The following CDKAL1 variants were observed in gnomAD, a reference collection of about 807,000 sequenced individuals.
CDKAL1 encodes threonylcarbamoyladenosine tRNA methylthiotransferase.
CDKAL1 carries 32 observed loss-of-function variants against 68.2 expected under a neutral mutation model. The observed-to-expected ratio is 0.47, with a 90% confidence interval of 0.35 to 0.63. The LOEUF (loss-of-function observed/expected upper bound fraction) is 0.63, where lower values mean the gene tolerates loss of function less well. CDKAL1 is among the 30% of genes least tolerant of loss of function. The probability of loss-of-function intolerance (pLI) is 0.00; values close to 1 mark genes in which losing one functional copy is unlikely to be tolerated. For missense variants in CDKAL1, 606 were observed against 696.7 expected, an observed-to-expected ratio of 0.87 and a Z score of 1.47; for synonymous variants, 234 against 244.3, an observed-to-expected ratio of 0.96 and a Z score of 0.39.
At chr6:21,163,626 T>A (rs1777018674) in intron 13 of CDKAL1, among the ~76,000 whole-genome samples, 1 of 152,064 alleles carries the variant, frequency 6.6e-6, no homozygotes. Context: ...TGGTGTTGAG[T>A]CATAATCTTA....
chr6:20,836,024 A>G (rs1175114235), intron 8 of CDKAL1, among the ~76,000 whole-genome samples: 1 of 152,076 alleles, frequency 6.6e-6, no homozygotes, highest in Non-Finnish European at 1.5e-5. Flanking sequence ...TGGCTGTTGT[A>G]AAAGGGACCC....
intron 4 of CDKAL1, among the ~76,000 whole-genome samples, chr6:20,564,525 A>G (rs1764384561): frequency 1.3e-5 from 2 of 152,216 alleles, no homozygotes; most frequent in South Asian, 4.1e-4. Flanking sequence ...TAATTCATGT[A>G]AAGTTTACTA....
In CDKAL1 at chr6:21,008,710, C is replaced by T. The variant is rs7750463; in HGVS notation, c.1055+8338C>T. ...CTTGCACAGTGCTTGGTTTGTCCTC[C>T]TTGACACCCCCACAACTCTGCACCG... On this transcript the variant is annotated intron_variant, in intron 11 of 15. Transcript: ENST00000274695. Among the ~76,000 whole-genome samples the T allele has an allele frequency of 9.5e-3, 1,452 of 152,196 alleles. 32 individuals are homozygous for T. The highest frequency in any genetic ancestry group is 0.033 in the African/African-American group (1,352 of 41,546).
intron 10 of CDKAL1, among the ~76,000 whole-genome samples, chr6:20,961,424 T>C (rs762944652): frequency 6.6e-6 from 1 of 152,050 alleles, no homozygotes; most frequent in Non-Finnish European, 1.5e-5. Flanking sequence ...GAACAACAGA[T>C]ACTGGGGCCT....
chr6:21,054,314 G>T (rs1770709279), intron 11 of CDKAL1, among the ~76,000 whole-genome samples: 1 of 152,038 alleles, frequency 6.6e-6, no homozygotes, highest in Admixed American at 6.5e-5. Context: ...TTTTTCCATT[G>T]ATGTATCCCT....
chr6:21,015,754 A>G (rs201310), intron 11 of CDKAL1, among the ~76,000 whole-genome samples: 16,240 of 151,920 alleles, frequency 0.11, 971 homozygotes, highest in Middle Eastern at 0.16. Context: ...TGACAAAACC[A>G]CATCTCTACT....
chr6:20,646,167 C>T (rs1261516630), intron 4 of CDKAL1, among the ~76,000 whole-genome samples: 1 of 140,716 alleles, frequency 7.1e-6, no homozygotes, highest in Non-Finnish European at 1.5e-5. Flanking sequence ...AGCAATTCTT[C>T]TGCCTCAGCC....
intron 11 of CDKAL1, among the ~76,000 whole-genome samples, chr6:21,047,666 G>T (rs189478684): frequency 6.6e-6 from 1 of 152,120 alleles, no homozygotes; most frequent in Admixed American, 6.5e-5. Context: ...TGTCCACCAG[G>T]TGCTTATAGT....
intron 8 of CDKAL1, among the ~76,000 whole-genome samples, chr6:20,824,063 C>T (rs2150447560): frequency 6.6e-6 from 1 of 151,988 alleles, no homozygotes; most frequent in East Asian, 1.9e-4. Flanking sequence ...TTTGGGATTC[C>T]CTTAAAGTCT....
At chr6:20,883,542 CATTT>C (rs1237114164) in intron 9 of CDKAL1, among the ~76,000 whole-genome samples, 1 of 152,162 alleles carries the variant, frequency 6.6e-6, no homozygotes, top group South Asian at 2.1e-4. Context: ...CCGAATGTTT[CATTT>C]ATTTAATTAA....
At chr6:21,022,347 T>G (rs1768712508) in intron 11 of CDKAL1, among the ~76,000 whole-genome samples, 1 of 152,196 alleles carries the variant, frequency 6.6e-6, no homozygotes, top group South Asian at 2.1e-4. Context: ...CTTTGAGCAT[T>G]ATTTGCAGTG....
Position 20,885,380 on chromosome 6 carries a change from T to C in CDKAL1, c.742+39202T>C, listed in dbSNP as rs1006944273. ...AGTAAACCCATACAACTGTAGCCAA[T>C]TGATTTTTGACCAGGGAACCACATT... On this transcript the variant is annotated intron_variant, in intron 9 of 15. Transcript: ENST00000274695. 3.9e-5 allele frequency among the ~76,000 whole-genome samples: 6 copies of C among 152,298 alleles called. No individual in the cohort carries two copies. The East Asian group carries it at 1.2e-3, about 29-fold the overall frequency.
intron 10 of CDKAL1, among the ~76,000 whole-genome samples, chr6:20,956,749 T>G (rs1380535243): frequency 6.6e-6 from 1 of 152,208 alleles, no homozygotes; most frequent in Non-Finnish European, 1.5e-5. Context: ...CAACAACCTA[T>G]TTCAGAAATT....
At chr6:20,874,029 C>T (rs1407218663) in intron 9 of CDKAL1, among the ~76,000 whole-genome samples, 1 of 152,066 alleles carries the variant, frequency 6.6e-6, no homozygotes, top group Non-Finnish European at 1.5e-5. Context: ...AAACAAGCAG[C>T]CTGATTTTAC....
At chr6:20,703,603 G>A (rs993609960) in intron 5 of CDKAL1, among the ~76,000 whole-genome samples, 4 of 152,142 alleles carry the variant, frequency 2.6e-5, no homozygotes, top group Non-Finnish European at 2.9e-5. Context: ...AAGTAAAAAT[G>A]TTATGATGTC....
At chr6:20,807,708 C>T (rs1245234321) in intron 8 of CDKAL1, among the ~76,000 whole-genome samples, 2 of 152,172 alleles carry the variant, frequency 1.3e-5, no homozygotes, top group Non-Finnish European at 1.5e-5. Context: ...ATTTTGATAG[C>T]AACGAATATT....
chr6:20,999,240 CT>C (rs1307059716), intron 10 of CDKAL1, among the ~76,000 whole-genome samples: 2 of 152,008 alleles, frequency 1.3e-5, no homozygotes, highest in Non-Finnish European at 2.9e-5. Flanking sequence ...TTTTCTTTTT[CT>C]TTTTTTCTTT....
chr6:20,621,775 T>C (rs1767204423), intron 4 of CDKAL1, among the ~76,000 whole-genome samples: 1 of 120,246 alleles, frequency 8.3e-6, no homozygotes, highest in South Asian at 2.4e-4. Context: ...TACCTCAGTG[T>C]TTTTTTTTTT....
chr6:20,940,719 T>C (rs1432171407), intron 9 of CDKAL1, among the ~76,000 whole-genome samples: 1 of 152,148 alleles, frequency 6.6e-6, no homozygotes, highest in Non-Finnish European at 1.5e-5. Context: ...TAAAAATTAT[T>C]TTAAAATCTT....
Sources: allele counts gnomAD v4.1 joint callset (sites outside exome capture counted in the v4.1 genomes callset), GRCh38; gene constraint gnomAD v4.1.1; transcripts MANE v1.5; gene names NCBI Gene and HGNC (gene_info 2026-07-23, HGNC 2026-07-21).